Variants in KIAA1217 observed in about 807,000 individuals in gnomAD.
KIAA1217 encodes sickle tail protein homolog.
In KIAA1217, 88 loss-of-function variants were observed where a neutral mutation model predicts 163.9. The observed-to-expected ratio is 0.54, with a 90% CI of 0.45 to 0.64. The LOEUF is 0.64. KIAA1217 is among the 30% of genes least tolerant of loss of function. The pLI, the probability that KIAA1217 is intolerant of heterozygous loss-of-function variation, is 0.00. For synonymous variants in KIAA1217, 903 were observed against 923.1 expected (o/e 0.98, Z 0.39); for missense variants, 2,372 against 2,475.0 (o/e 0.96, Z 0.88).
chr10:24,012,415 G>C (rs1847275041), intron 2 of KIAA1217, among the ~76,000 whole-genome samples: 1 of 152,100 alleles, frequency 6.6e-6, no homozygotes, highest in Non-Finnish European at 1.5e-5. Context: ...CCTTGATCCT[G>C]CTAAAACTGA....
upstream of KIAA1217, among the ~76,000 whole-genome samples, chr10:24,205,254 C>G (rs56122836): frequency 0.08 from 10,657 of 133,266 alleles, 600 homozygotes; most frequent in African/African-American, 0.16. Context: ...GTCAGGAGTT[C>G]GAGACCAGCC....
chr10:24,454,799 C>A (rs533943698), intron 5 of KIAA1217, among the ~76,000 whole-genome samples: 1 of 152,080 alleles, frequency 6.6e-6, no homozygotes, highest in East Asian at 1.9e-4. Context: ...AAGTGGAAAC[C>A]GTTTTTGCTT....
intron 5 of KIAA1217, among the ~76,000 whole-genome samples, chr10:24,459,588 CTTAGAGAAAGTCTACATGAGAT>C (rs542018026): frequency 8.0e-4 from 122 of 152,138 alleles, no homozygotes; most frequent in South Asian, 1.0e-3. Flanking sequence ...TGGAATGGGC[CTTAGAGAAAGTCTACATGAGAT>C]TTCTTATTTA....
rs117760061 is a variant in KIAA1217 at position 24,410,525 on chromosome 10, A to G, written c.554-22470A>G. On this transcript the variant is annotated intron_variant, in intron 3 of 20. Coordinates refer to ENST00000376454, the MANE Select transcript of KIAA1217 (RefSeq NM_019590.5). ...AATGAGGCTCAGGGTTTTAACAGTA[A>G]TGATACCCATTTACAATAACATTTA... is the stretch of plus-strand genomic sequence containing the variant. 2.3e-3 allele frequency among the ~76,000 whole-genome samples: 356 copies of G among 152,276 alleles called. 14 individuals carry two copies. In the East Asian group the frequency reaches 0.058, roughly 25 times the overall value.
At position 24,290,626 on chromosome 10, in the gene KIAA1217, C is replaced by T. The variant is rs576677122; in HGVS notation, c.354+70717C>T. ...GTCTCTCTTTTTTTTTTTTTTCAGA[C>T]GGAGTCTTGCTCTGTCACCCAGGCT... On this transcript the variant is annotated intron_variant, in intron 2 of 20. Transcript: ENST00000376454. Among the ~76,000 whole-genome samples, 15 of 146,778 alleles carry T rather than the reference C, an allele frequency of 1.0e-4. No individual in the cohort carries two copies. The East Asian group carries it at 1.2e-3, about 12-fold the overall frequency.
intron 1 of KIAA1217, chr10:23,877,489 G>C (rs1840750196): frequency 1.3e-5 from 2 of 151,432 alleles, no homozygotes; most frequent in South Asian, 4.2e-4. Context: ...TCGAACACCT[G>C]TAGTGGGTGA....
chr10:24,364,462 G>A (rs552185521), intron 2 of KIAA1217, among the ~76,000 whole-genome samples: 5 of 151,976 alleles, frequency 3.3e-5, no homozygotes, highest in South Asian at 2.1e-4. Context: ...ACTGAGAAGC[G>A]AAAAAAGGTT....
chr10:24,538,732 G>GGTTT (rs1554943297), intron 17 of KIAA1217, among the ~76,000 whole-genome samples: 20 of 87,764 alleles, frequency 2.3e-4, no homozygotes, highest in African/African-American at 8.4e-4. Context: ...ATTGTTTTTG[G>GGTTT]TTTTTTTTTT....
chr10:24,335,995 C>A (rs1355183975), intron 2 of KIAA1217, among the ~76,000 whole-genome samples: 2 of 152,232 alleles, frequency 1.3e-5, no homozygotes, highest in African/African-American at 2.4e-5. Flanking sequence ...AATCCCAGCA[C>A]TTTGGGAGGC....
At chr10:24,014,300 T>C (rs369311361) in intron 2 of KIAA1217, among the ~76,000 whole-genome samples, 21 of 152,330 alleles carry the variant, frequency 1.4e-4, no homozygotes, top group African/African-American at 4.8e-4. Context: ...ATGTTTTTAC[T>C]AGCTACCATT....
chr10:24,546,362 T>C lies in KIAA1217; in HGVS notation c.*38T>C, dbSNP rs1564918835. ...ATTAGGCACAAGTCGGAGTTACATT[T>C]AAAAAAAATTAACAGTCTACAACAA... On this transcript the variant is annotated 3_prime_UTR_variant, in exon 21 of 21. Coordinates refer to ENST00000376454, the MANE Select transcript of KIAA1217 (RefSeq NM_019590.5). 2.0e-6 allele frequency: 3 copies of C among 1,527,726 alleles called. No homozygotes were observed. Among genetic ancestry groups the C allele is most frequent in the South Asian group, 2.6e-5 (2 of 77,262 alleles). 94.6% of individuals were successfully genotyped at this position (1,527,726 alleles called of 1,614,324 possible).
chr10:24,531,847 G>C lies in KIAA1217; in HGVS notation c.3100G>C (p.Glu1034Gln). 1 of 1,599,014 alleles carries C rather than the reference G, an allele frequency of 6.3e-7. No homozygotes were observed. ...TTTTCCAGAAGATTCTCCAAATTCG[G>C]AACAGGACTTGGAAAAGCTGGGGGG... ...VELSEDSPNS[E>Q]QDLEKLGGKS... Residue 1034 changes from glutamate to glutamine, a missense_variant, in exon 15 of 21, where the codon GAA becomes CAA. Coordinates refer to ENST00000376454, the MANE Select transcript of KIAA1217 (RefSeq NM_019590.5).
At chr10:23,993,581 A>G (rs763587084) in intron 1 of KIAA1217, among the ~76,000 whole-genome samples, 6 of 17,710 alleles carry the variant, frequency 3.4e-4, no homozygotes, top group Non-Finnish European at 4.8e-4. Context: ...TTTGAGACAG[A>G]GTCTCATTCT....
rs1313276456 is a variant in KIAA1217 at position 23,805,711 on chromosome 10, C to T, written c.-321+110477C>T. On this transcript the variant is annotated intron_variant, in intron 1 of 18. Coordinates refer to the KIAA1217 transcript ENST00000376462. The stretch of plus-strand genomic sequence containing the variant: ...AGAATTTCTCAGGACATAGAAAGCA[C>T]TAACTATAAAAGAAAAATAGGGCCA... Among the ~76,000 whole-genome samples, 3 of 151,956 alleles carry T rather than the reference C, an allele frequency of 2.0e-5. No homozygotes were observed. The East Asian group carries it at 5.8e-4, about 29-fold the overall frequency.
intron 2 of KIAA1217, among the ~76,000 whole-genome samples, chr10:24,043,038 G>A (rs1848726417): frequency 6.6e-6 from 1 of 152,184 alleles, no homozygotes; most frequent in South Asian, 2.1e-4. Context: ...TCAGGTGAAT[G>A]TTGGAATGTT....
chr10:23,775,274 A>G (rs1027877754), intron 1 of KIAA1217, among the ~76,000 whole-genome samples: 1 of 152,202 alleles, frequency 6.6e-6, no homozygotes, highest in African/African-American at 2.4e-5. Context: ...TGATTGATTA[A>G]TAGGTTGGCT....
chr10:23,808,593 G>T (rs933225951), intron 1 of KIAA1217, among the ~76,000 whole-genome samples: 1 of 151,974 alleles, frequency 6.6e-6, no homozygotes, highest in Non-Finnish European at 1.5e-5. Flanking sequence ...CAGAAAAAAA[G>T]GGTGAACTGG....
intron 1 of KIAA1217, among the ~76,000 whole-genome samples, chr10:23,771,683 C>T (rs1834801419): frequency 6.6e-6 from 1 of 152,190 alleles, no homozygotes. Context: ...TTTGATACAA[C>T]ACTTCCACCA....
chr10:24,204,046 C>T (rs2067414398), upstream of KIAA1217, among the ~76,000 whole-genome samples: 1 of 152,318 alleles, frequency 6.6e-6, no homozygotes, highest in East Asian at 1.9e-4. Context: ...AATGGGTTCT[C>T]TTAAAAAGAA....
Sources: gnomAD v4.1 joint callset for allele counts (sites outside exome capture counted in the v4.1 genomes callset) on GRCh38, gnomAD v4.1.1 for gene constraint, MANE v1.5 for transcripts, NCBI Gene and HGNC (gene_info 2026-07-23, HGNC 2026-07-21) for gene names.